The following SEPTIN9 variants were observed in gnomAD, a reference collection of about 807,000 sequenced individuals.
The protein encoded by SEPTIN9 is septin 9.
Under a neutral mutation model 56.6 loss-of-function variants are expected in SEPTIN9, and 13 were observed. The observed-to-expected ratio is 0.23, with a 90% CI of 0.15 to 0.37. SEPTIN9 has a LOEUF of 0.37. Among genes scored for constraint, SEPTIN9 ranks in the 10% least tolerant of loss-of-function variants. The pLI is 1.00. For synonymous variants in SEPTIN9, 332 were observed against 334.1 expected (o/e 0.99, Z 0.07); for missense variants, 650 against 823.1 (o/e 0.79, Z 2.57).
At chr17:77,413,451 G>C (rs551454074) in intron 3 of SEPTIN9, among the ~76,000 whole-genome samples, 2 of 152,178 alleles carry the variant, frequency 1.3e-5, no homozygotes, top group Admixed American at 1.3e-4. Flanking sequence ...GCTTTAGCTC[G>C]CTTAGTGAGG....
At chr17:77,461,002 C>T (rs1195255657) in intron 3 of SEPTIN9, among the ~76,000 whole-genome samples, 1 of 152,080 alleles carries the variant, frequency 6.6e-6, no homozygotes, top group East Asian at 1.9e-4. Flanking sequence ...TACCCAGGGC[C>T]CTTTTAAAAA....
At chr17:77,474,507 G>A (rs1179051750) in intron 3 of SEPTIN9, among the ~76,000 whole-genome samples, 1 of 152,250 alleles carries the variant, frequency 6.6e-6, no homozygotes, top group Non-Finnish European at 1.5e-5. Context: ...TCTCCTGGCA[G>A]TTCAGGGCTC....
chr17:77,288,313 C>A (rs2031368015), intron 1 of SEPTIN9: 8 of 719,458 alleles, frequency 1.1e-5, no homozygotes, highest in Non-Finnish European at 1.4e-5. Flanking sequence ...AGCGCTGCAC[C>A]TGGGAACCAG....
intron 2 of SEPTIN9, among the ~76,000 whole-genome samples, chr17:77,308,902 T>G (rs371632844): frequency 2.0e-4 from 30 of 152,350 alleles, no homozygotes; most frequent in African/African-American, 6.5e-4. Context: ...AGGATGGGAC[T>G]GTATGTGGGA....
At position 77,499,700 on chromosome 17, in the gene SEPTIN9, G is replaced by C. The variant is rs956692112; in HGVS notation, c.*1042G>C. On this transcript the variant is annotated 3_prime_UTR_variant, in exon 12 of 12. Coordinates refer to ENST00000427177, the MANE Select transcript of SEPTIN9 (RefSeq NM_001113491.2). ...TCTGTCTGTCTAGTGTCTGGGTTTG[G>C]CCCAAGACTGGGCTGTAGTTACATT... 1 of 389,914 alleles carries C rather than the reference G, an allele frequency of 2.6e-6. No homozygotes were observed. Among genetic ancestry groups the C allele is most frequent in the African/African-American group, 2.0e-5 (1 of 49,336 alleles). The allele number at this position is 389,914 out of a possible 1,614,324, so 24.2% of individuals were successfully genotyped here. A position where few individuals can be genotyped will look rare whatever the true frequency, so the allele number is the denominator to read the frequency against.
intron 1 of SEPTIN9, among the ~76,000 whole-genome samples, chr17:77,298,878 A>G (rs543795532): frequency 9.8e-5 from 15 of 152,296 alleles, no homozygotes; most frequent in African/African-American, 2.9e-4. Flanking sequence ...CAGCGGTGCA[A>G]TTGCAACTCA....
intron 2 of SEPTIN9, among the ~76,000 whole-genome samples, chr17:77,377,761 G>T (rs1451797213): frequency 1.3e-5 from 2 of 152,230 alleles, no homozygotes; most frequent in East Asian, 1.9e-4. Flanking sequence ...AGAGAAAAAG[G>T]CCCCGTTGCT....
At chr17:77,390,346 T>TAAAA (rs200348069) in intron 2 of SEPTIN9, among the ~76,000 whole-genome samples, 1 of 90,332 alleles carries the variant, frequency 1.1e-5, no homozygotes, top group Non-Finnish European at 2.0e-5. Context: ...GACTCCGTCT[T>TAAAA]AAAAAAAAAA....
At chr17:77,464,767 A>AT (rs537872147) in intron 3 of SEPTIN9, among the ~76,000 whole-genome samples, 1,647 of 146,698 alleles carry the variant, frequency 0.011, 27 homozygotes, top group South Asian at 0.072. Context: ...CACCCGGCTA[A>AT]TTTTTTTTTT....
At chr17:77,349,210 G>A (rs1044036511) in intron 2 of SEPTIN9, among the ~76,000 whole-genome samples, 13 of 151,806 alleles carry the variant, frequency 8.6e-5, no homozygotes, top group Admixed American at 2.0e-4. Flanking sequence ...TTCTCCTCCC[G>A]GGCTCAAACG....
At chr17:77,320,156 G>A in intron 2 of SEPTIN9, 3 of 1,519,922 alleles carry the variant, frequency 2.0e-6, no homozygotes, top group Non-Finnish European at 2.7e-6. Flanking sequence ...TAATTCGGAT[G>A]CATTCGTGAT....
chr17:77,420,782 G>T (rs774484859), intron 3 of SEPTIN9, among the ~76,000 whole-genome samples: 20 of 152,106 alleles, frequency 1.3e-4, no homozygotes, highest in Non-Finnish European at 2.2e-4. Flanking sequence ...GATCTTTCTG[G>T]CAACAGTCAG....
chr17:77,362,921 G>T (rs1162333913), intron 2 of SEPTIN9, among the ~76,000 whole-genome samples: 1 of 152,248 alleles, frequency 6.6e-6, no homozygotes, highest in Non-Finnish European at 1.5e-5. Context: ...CAGGGAGGGT[G>T]TGAGGGGCCC....
At chr17:77,296,688 A>G (rs1249140362) in intron 1 of SEPTIN9, among the ~76,000 whole-genome samples, 2 of 152,132 alleles carry the variant, frequency 1.3e-5, no homozygotes, top group African/African-American at 2.4e-5. Context: ...CCCCATCTCT[A>G]CTAAAAATAG....
chr17:77,375,526 C>G (rs1032819195), intron 2 of SEPTIN9: 1 of 152,514 alleles, frequency 6.6e-6, no homozygotes, highest in Middle Eastern at 3.4e-3. Flanking sequence ...TAACTCCACC[C>G]TTGCCCCCAT....
At chr17:77,467,460 G>C (rs540835354) in intron 3 of SEPTIN9, among the ~76,000 whole-genome samples, 2 of 152,262 alleles carry the variant, frequency 1.3e-5, no homozygotes, top group South Asian at 4.1e-4. Flanking sequence ...AGTGGGCGGG[G>C]AAGAGGGTGG....
chr17:77,486,988 G>C (rs2039819986), intron 4 of SEPTIN9, among the ~76,000 whole-genome samples: 1 of 152,212 alleles, frequency 6.6e-6, no homozygotes, highest in Admixed American at 6.5e-5. Flanking sequence ...TGAACACCTG[G>C]GCTTTGGTTG....
intron 1 of SEPTIN9, among the ~76,000 whole-genome samples, chr17:77,305,098 G>A (rs1337891509): frequency 2.6e-5 from 4 of 152,266 alleles, no homozygotes; most frequent in Non-Finnish European, 5.9e-5. Flanking sequence ...CTGGAGATCT[G>A]CGCCGAGGTC....
chr17:77,433,322 A>G lies in SEPTIN9; in HGVS notation c.721+30619A>G, dbSNP rs2037216020. ...GCCCCTTCACTGGCCATTGCCTGAG[A>G]CCCGACCTGGTGGCTCCTGCCCCAA... On this transcript the variant is annotated intron_variant, in intron 3 of 11. Transcript: ENST00000427177. The surrounding 1 kb of genome is among the most constrained non-coding windows in gnomAD (Gnocchi z 6.4). Among the ~76,000 whole-genome samples, 2 of 151,686 alleles carry G rather than the reference A, an allele frequency of 1.3e-5. No individual in the cohort carries two copies. The highest frequency in any genetic ancestry group is 2.0e-4 in the East Asian group (1 of 5,122).
Sources: gnomAD v4.1 joint callset for allele counts (sites outside exome capture counted in the v4.1 genomes callset) on GRCh38, gnomAD v4.1.1 for gene constraint, Gnocchi (gnomAD v3.1) non-coding constraint, MANE v1.5 for transcripts, NCBI Gene and HGNC (gene_info 2026-07-23, HGNC 2026-07-21) for gene names.